DSE: variants seen among roughly 807,000 people sequenced by gnomAD.
The protein encoded by DSE is dermatan-sulfate epimerase.
Under a neutral mutation model 84.4 loss-of-function variants are expected in DSE, and 36 were observed. That is an observed-to-expected ratio of 0.43 (90% CI 0.33 to 0.56). DSE has a LOEUF of 0.56. Among genes scored for constraint, DSE ranks in the 20% least tolerant of loss-of-function variants. DSE has a pLI of 0.06. For synonymous variants in DSE, 410 were observed against 430.1 expected, an observed-to-expected ratio of 0.95 and a Z score of 0.58; for missense variants, 862 against 1,169.6, an observed-to-expected ratio of 0.74 and a Z score of 3.84.
intron 3 of DSE, among the ~76,000 whole-genome samples, chr6:116,429,063 A>G (rs1783637846): frequency 6.6e-6 from 1 of 152,242 alleles, no homozygotes; most frequent in Non-Finnish European, 1.5e-5. Context: ...ATCTGATTTT[A>G]GGCATCAGTC....
In DSE at chr6:116,336,494, G is replaced by A. The variant is rs181079602; in HGVS notation, c.-53-62704G>A. 5.6e-3 allele frequency among the ~76,000 whole-genome samples: 854 copies of A among 152,236 alleles called. 6 individuals are homozygous for A. The highest frequency in any genetic ancestry group is 8.3e-3 in the Non-Finnish European group (565 of 68,004). Reference sequence around the variant, plus strand: ...AAGTAGGCCGGGCGCAGTGGCTCACGCCTGTAATCCCAGCACTTTGGGAGG... The same window carrying A: ...AAGTAGGCCGGGCGCAGTGGCTCACACCTGTAATCCCAGCACTTTGGGAGG... On this transcript the variant is annotated intron_variant, in intron 2 of 3. Coordinates refer to the DSE transcript ENST00000430252.
chr6:116,426,445 T>A, intron 2 of DSE, 129 bp from the exon 3 acceptor site: 1 of 1,222,616 alleles, frequency 8.2e-7, no homozygotes, highest in South Asian at 1.7e-5. Flanking sequence ...GGAAGTCAGT[T>A]GTGTGTCATT....
chr6:116,437,713 G>A lies in DSE; in HGVS notation c.*368G>A, dbSNP rs1046317668. The A allele has an allele frequency of 1.2e-5, 2 of 160,956 alleles. No homozygotes were observed. Among genetic ancestry groups the A allele is most frequent in the African/African-American group, 4.8e-5 (2 of 41,648 alleles). The allele number at this position is 160,956 out of a possible 1,614,324, so 10.0% of individuals were successfully genotyped here. On this transcript the variant is annotated 3_prime_UTR_variant, in exon 6 of 6. Coordinates refer to ENST00000644252, the MANE Select transcript of DSE (RefSeq NM_013352.4). The stretch of plus-strand genomic sequence containing the variant: ...TATTAATATTAATTTAATGCTATTA[G>A]CAATTTCCATATACTATATTGTGGA...
intron 1 of DSE, among the ~76,000 whole-genome samples, chr6:116,377,167 GTTGC>G (rs561943718): frequency 2.3e-4 from 35 of 152,278 alleles, no homozygotes; most frequent in Non-Finnish European, 4.4e-4. Context: ...AGTTGTGTTT[GTTGC>G]TTAAGTCAGG....
At chr6:116,388,656 A>T (rs1353718331) in intron 1 of DSE, among the ~76,000 whole-genome samples, 6 of 152,356 alleles carry the variant, frequency 3.9e-5, no homozygotes, top group Admixed American at 3.9e-4. Flanking sequence ...TAAACATCAA[A>T]ATTTTAAAAA....
At chr6:116,286,583 C>T (rs1462783526) in intron 2 of DSE, among the ~76,000 whole-genome samples, 2 of 152,028 alleles carry the variant, frequency 1.3e-5, no homozygotes, top group Non-Finnish European at 2.9e-5. Context: ...AACCTGCCTA[C>T]ACAGGTAAAT....
chr6:116,322,042 G>A (rs1025927213), intron 2 of DSE, among the ~76,000 whole-genome samples: 1 of 152,174 alleles, frequency 6.6e-6, no homozygotes, highest in East Asian at 1.9e-4. Flanking sequence ...AGCTCCCCAA[G>A]TGAGCAATTC....
chr6:116,428,737 C>T (rs976074629), intron 3 of DSE, among the ~76,000 whole-genome samples: 7 of 152,000 alleles, frequency 4.6e-5, no homozygotes, highest in African/African-American at 1.7e-4. Context: ...CCATGAAAAG[C>T]GTTATGGTTA....
At chr6:116,429,189 C>G (rs1462386853) in intron 3 of DSE, among the ~76,000 whole-genome samples, 1 of 152,124 alleles carries the variant, frequency 6.6e-6, no homozygotes, top group African/African-American at 2.4e-5. Flanking sequence ...ATTGACATAT[C>G]AGGTATGATG....
chr6:116,279,380 C>G, intron 2 of DSE: 1 of 1,612,796 alleles, frequency 6.2e-7, no homozygotes, highest in Non-Finnish European at 8.5e-7. Context: ...TCCTCCGCCT[C>G]AGCCTCCGCC....
In DSE at chr6:116,397,373, A is replaced by C. The variant is rs1157892946; in HGVS notation, c.-53-1825A>C. On this transcript the variant is annotated intron_variant, in intron 1 of 5. Coordinates refer to ENST00000644252, the MANE Select transcript of DSE (RefSeq NM_013352.4). ...AGGCACCCCCCACCACACCTGGCTAATTTTTGTATTTTTAGTAGAGATGGG... is the reference window on the plus strand; with the variant it reads ...AGGCACCCCCCACCACACCTGGCTACTTTTTGTATTTTTAGTAGAGATGGG... Among the ~76,000 whole-genome samples, 2 of 151,540 alleles carry C rather than the reference A, an allele frequency of 1.3e-5. 1 individual carries two copies. The highest frequency in any genetic ancestry group is 4.8e-5 in the African/African-American group (2 of 41,238).
intron 1 of DSE, among the ~76,000 whole-genome samples, chr6:116,372,193 A>G (rs926090049): frequency 2.6e-5 from 4 of 152,242 alleles, no homozygotes; most frequent in African/African-American, 9.6e-5. Context: ...TCTCGGCCGG[A>G]CGCAGTGGCT....
chr6:116,387,859 G>A (rs559630342), intron 1 of DSE, among the ~76,000 whole-genome samples: 33 of 152,262 alleles, frequency 2.2e-4, no homozygotes, highest in African/African-American at 7.5e-4. Flanking sequence ...AGGAGAATAC[G>A]GTATCCCAGA....
chr6:116,301,331 C>T (rs1775027438), intron 2 of DSE, among the ~76,000 whole-genome samples: 1 of 152,160 alleles, frequency 6.6e-6, no homozygotes. Context: ...ATGATGGGGA[C>T]TTCCTGAAAG....
chr6:116,336,939 A>G (rs1777288646), intron 2 of DSE, among the ~76,000 whole-genome samples: 1 of 152,234 alleles, frequency 6.6e-6, no homozygotes, highest in African/African-American at 2.4e-5. Context: ...GTAAGGCTAC[A>G]TTTCATGACT....
chr6:116,358,353 T>C (rs535684856), intron 2 of DSE, among the ~76,000 whole-genome samples: 33 of 152,334 alleles, frequency 2.2e-4, no homozygotes, highest in African/African-American at 6.3e-4. Flanking sequence ...GCAGCCTACA[T>C]TGGCATAAAT....
chr6:116,282,586 C>A (rs1316139862), intron 2 of DSE, among the ~76,000 whole-genome samples: 2 of 152,044 alleles, frequency 1.3e-5, no homozygotes, highest in African/African-American at 4.8e-5. Context: ...TCTTGTCGAA[C>A]ATGTATAAAG....
At chr6:116,337,487 G>A (rs1311335008) in intron 2 of DSE, among the ~76,000 whole-genome samples, 1 of 152,136 alleles carries the variant, frequency 6.6e-6, no homozygotes, top group East Asian at 1.9e-4. Flanking sequence ...GTGGATGCCT[G>A]TAATCCCAGC....
At chr6:116,413,586 G>A (rs17077925) in intron 2 of DSE, among the ~76,000 whole-genome samples, 1,714 of 152,258 alleles carry the variant, frequency 0.011, 34 homozygotes, top group African/African-American at 0.039. Flanking sequence ...ACTGTGCAGA[G>A]CATTATTTCC....
Sources: allele counts gnomAD v4.1 joint callset (sites outside exome capture counted in the v4.1 genomes callset), GRCh38; gene constraint gnomAD v4.1.1; transcripts MANE v1.5; gene names NCBI Gene and HGNC (gene_info 2026-07-23, HGNC 2026-07-21).